SYN3: variants seen among roughly 807,000 people sequenced by gnomAD.
The protein encoded by SYN3 is synapsin III.
SYN3 carries 35 observed loss-of-function variants against 65.8 expected under a neutral mutation model. The observed-to-expected ratio is 0.53, with a 90% CI of 0.41 to 0.70. The LOEUF (loss-of-function observed/expected upper bound fraction) is 0.70, where lower values mean the gene tolerates loss of function less well. SYN3 is among the 30% of genes least tolerant of loss of function. SYN3 has a pLI of 0.00. For missense variants in SYN3, 680 were observed against 749.0 expected (o/e 0.91, Z 1.08); for synonymous variants, 270 against 292.9 (o/e 0.92, Z 0.80).
At chr22:33,038,756 A>G (rs1012537147) in intron 1 of SYN3, among the ~76,000 whole-genome samples, 4 of 141,650 alleles carry the variant, frequency 2.8e-5, no homozygotes, top group Non-Finnish European at 1.5e-5. Context: ...CCTATTTTAC[A>G]GAAGAGTCAA....
chr22:33,033,388 C>G (rs541326709), intron 1 of SYN3, among the ~76,000 whole-genome samples: 3 of 152,198 alleles, frequency 2.0e-5, no homozygotes, highest in South Asian at 2.1e-4. Flanking sequence ...CTGGAATGTT[C>G]TTTCCTTGCT....
Position 32,673,747 on chromosome 22 carries a change from G to A in SYN3, c.712-77011C>T, listed in dbSNP as rs1009995604. 2.9e-4 allele frequency among the ~76,000 whole-genome samples: 44 copies of A among 152,340 alleles called. No individual in the cohort carries two copies. In the East Asian group the frequency reaches 6.8e-3, roughly 23 times the overall value. ...TTTGTACGTGCAAAGGCTTAGGGAT[G>A]AGAGAAAGATGGTGAGTTCCAAGAG... On this transcript the variant is annotated intron_variant, in intron 6 of 13. Coordinates refer to ENST00000358763, the MANE Select transcript of SYN3 (RefSeq NM_003490.4).
intron 2 of SYN3, among the ~76,000 whole-genome samples, chr22:32,987,327 CTT>C (rs1255048874): frequency 6.6e-6 from 1 of 152,186 alleles, no homozygotes; most frequent in African/African-American, 2.4e-5. Flanking sequence ...CACTCAGAGA[CTT>C]TGCCAGTTAG....
chr22:32,670,470 A>T (rs2060345274), intron 6 of SYN3, among the ~76,000 whole-genome samples: 1 of 152,242 alleles, frequency 6.6e-6, no homozygotes, highest in South Asian at 2.1e-4. Flanking sequence ...CAGCAAGACC[A>T]GAGATGACGC....
At chr22:32,887,851 T>C (rs1486266345) in intron 4 of SYN3, among the ~76,000 whole-genome samples, 3 of 152,216 alleles carry the variant, frequency 2.0e-5, no homozygotes, top group Admixed American at 6.5e-5. Context: ...ATTTCATTTT[T>C]CTTGGGGAAA....
At position 32,770,511 on chromosome 22, in the gene SYN3, C is replaced by T. The variant is rs567332934; in HGVS notation, c.711+94404G>A. 6.9e-4 allele frequency among the ~76,000 whole-genome samples: 105 copies of T among 152,260 alleles called. 1 individual carries two copies. Among genetic ancestry groups the T allele is most frequent in the African/African-American group, 2.2e-3 (91 of 41,546 alleles). ...TCCTCGTGCTGCTCCTAGAACACCCCGAGTTTGCTACCACCTCGGGGCCTT... is the reference window on the plus strand; with the variant it reads ...TCCTCGTGCTGCTCCTAGAACACCCTGAGTTTGCTACCACCTCGGGGCCTT... On this transcript the variant is annotated intron_variant, in intron 6 of 13. Transcript: ENST00000358763.
intron 5 of SYN3, among the ~76,000 whole-genome samples, chr22:32,867,491 T>C (rs2048716308): frequency 6.6e-6 from 1 of 152,122 alleles, no homozygotes; most frequent in African/African-American, 2.4e-5. Context: ...AATGCACAAA[T>C]GAATGGATAA....
At chr22:32,804,682 G>C (rs2145946089) in intron 6 of SYN3, among the ~76,000 whole-genome samples, 1 of 152,288 alleles carries the variant, frequency 6.6e-6, no homozygotes, top group Non-Finnish European at 1.5e-5. Flanking sequence ...CTAGGGCCTG[G>C]CATGGCATTC....
intron 6 of SYN3, among the ~76,000 whole-genome samples, chr22:32,825,721 A>G (rs2047390294): frequency 6.9e-6 from 1 of 145,442 alleles, no homozygotes; most frequent in South Asian, 2.3e-4. Context: ...GTGTATGCTT[A>G]TATATATAAT....
chr22:33,022,351 A>G (rs983612860), intron 1 of SYN3, among the ~76,000 whole-genome samples: 3 of 152,176 alleles, frequency 2.0e-5, no homozygotes, highest in Admixed American at 6.5e-5. Context: ...AGACTGTGTC[A>G]CTCCAGCTGC....
intron 6 of SYN3, among the ~76,000 whole-genome samples, chr22:32,615,161 C>T (rs73154348): frequency 0.16 from 25,051 of 152,034 alleles, 2,482 homozygotes; most frequent in Non-Finnish European, 0.22. Context: ...GCCTGTAATC[C>T]CAGCCATGGG....
intron 6 of SYN3, among the ~76,000 whole-genome samples, chr22:32,614,869 C>T (rs1304204443): frequency 6.6e-6 from 1 of 151,642 alleles, no homozygotes; most frequent in Non-Finnish European, 1.5e-5. Flanking sequence ...CAGTCTTCTG[C>T]ACTGGAAAAA....
chr22:32,674,696 G>A (rs1168589714), intron 6 of SYN3, among the ~76,000 whole-genome samples: 4 of 152,198 alleles, frequency 2.6e-5, no homozygotes, highest in South Asian at 2.1e-4. Context: ...CCAGAATGGA[G>A]AGAAGAGGGA....
chr22:32,953,640 G>A (rs2051358109), intron 3 of SYN3, among the ~76,000 whole-genome samples: 1 of 152,070 alleles, frequency 6.6e-6, no homozygotes, highest in Non-Finnish European at 1.5e-5. Flanking sequence ...CCTGGAACAG[G>A]GCTAGTAAGG....
chr22:33,025,616 A>G (rs2053630214), intron 1 of SYN3, among the ~76,000 whole-genome samples: 1 of 140,884 alleles, frequency 7.1e-6, no homozygotes. Flanking sequence ...CCTGGGTGAC[A>G]GAGCAACACT....
At chr22:32,693,719 G>A (rs1411449696) in intron 6 of SYN3, among the ~76,000 whole-genome samples, 21 of 148,462 alleles carry the variant, frequency 1.4e-4, no homozygotes, top group African/African-American at 5.3e-4. Flanking sequence ...AGCCACCTGA[G>A]TAGCTGGAAT....
At chr22:32,649,985 T>C (rs2060038680) in intron 6 of SYN3, among the ~76,000 whole-genome samples, 1 of 152,162 alleles carries the variant, frequency 6.6e-6, no homozygotes, top group Non-Finnish European at 1.5e-5. Flanking sequence ...GGCTCATGAC[T>C]AGTAGGCTTT....
chr22:32,893,024 A>C (rs2049495384), intron 4 of SYN3, among the ~76,000 whole-genome samples: 1 of 152,164 alleles, frequency 6.6e-6, no homozygotes, highest in South Asian at 2.1e-4. Context: ...CTATTTCTGG[A>C]CCCTATAAAA....
chr22:32,803,908 A>G (rs1437863734), intron 6 of SYN3, among the ~76,000 whole-genome samples: 2 of 151,900 alleles, frequency 1.3e-5, no homozygotes, highest in African/African-American at 2.4e-5. Context: ...TGGGGTTTCT[A>G]CCCTAAAAAT....
Sources: gnomAD v4.1 joint callset for allele counts (sites outside exome capture counted in the v4.1 genomes callset) on GRCh38, gnomAD v4.1.1 for gene constraint, MANE v1.5 for transcripts, NCBI Gene and HGNC (gene_info 2026-07-23, HGNC 2026-07-21) for gene names.